ARHGEF3: variants seen among roughly 807,000 people sequenced by gnomAD.
ARHGEF3 encodes Rho guanine nucleotide exchange factor 3, also known as 59.8 kDA protein.
A neutral mutation model predicts 63.2 loss-of-function variants in ARHGEF3; 28 were observed. The ratio of observed to expected loss-of-function variants is 0.44; its 90% CI spans 0.33 to 0.61. ARHGEF3 has a LOEUF of 0.61. Ranked by LOEUF, ARHGEF3 falls within the 20% of genes least tolerant of loss-of-function variation. ARHGEF3 has a pLI of 0.03. For missense variants in ARHGEF3, 533 were observed against 659.3 expected (o/e 0.81, Z 2.10); for synonymous variants, 266 against 254.2 (o/e 1.05, Z -0.44).
intron 4 of ARHGEF3, among the ~76,000 whole-genome samples, chr3:56,881,627 C>A (rs1184732474): frequency 6.6e-6 from 1 of 152,074 alleles, no homozygotes; most frequent in Non-Finnish European, 1.5e-5. Flanking sequence ...TGAGCATCTT[C>A]TACAAACTTC....
At chr3:56,949,099 C>G (rs544626286) in intron 3 of ARHGEF3, among the ~76,000 whole-genome samples, 1 of 152,072 alleles carries the variant, frequency 6.6e-6, no homozygotes, top group South Asian at 2.1e-4. Flanking sequence ...TAAAAACTCT[C>G]AATAAATTAG....
chr3:56,823,359 A>G (rs1287369638), intron 4 of ARHGEF3, among the ~76,000 whole-genome samples: 1 of 152,202 alleles, frequency 6.6e-6, no homozygotes, highest in Non-Finnish European at 1.5e-5. Context: ...AAGTCACCAG[A>G]AAGCAGGAGC....
chr3:56,733,928 G>C (rs1329090737), intron 8 of ARHGEF3, among the ~76,000 whole-genome samples: 1 of 145,298 alleles, frequency 6.9e-6, no homozygotes, highest in Non-Finnish European at 1.5e-5. Flanking sequence ...AGGTTGCAGT[G>C]AGCTGAGATC....
At chr3:56,748,549 A>ATTTTTTTTTTTTTT (rs71072193) in intron 6 of ARHGEF3, among the ~76,000 whole-genome samples, 1 of 136,686 alleles carries the variant, frequency 7.3e-6, no homozygotes, top group African/African-American at 2.7e-5. Flanking sequence ...GAAAAAATCT[A>ATTTTTTTTTTTTTT]TTTTTTTTTT....
At chr3:56,951,734 A>G (rs1699822726) in intron 3 of ARHGEF3, among the ~76,000 whole-genome samples, 1 of 151,894 alleles carries the variant, frequency 6.6e-6, no homozygotes. Context: ...AGATTTTCAA[A>G]TTTGTGTTAC....
intron 3 of ARHGEF3, among the ~76,000 whole-genome samples, chr3:56,950,374 C>G (rs1248947259): frequency 1.3e-5 from 2 of 152,000 alleles, no homozygotes; most frequent in Non-Finnish European, 1.5e-5. Flanking sequence ...TTTTTGCAAT[C>G]TACTCATCTG....
chr3:56,878,765 C>A (rs1420911045), intron 4 of ARHGEF3, among the ~76,000 whole-genome samples: 4 of 152,178 alleles, frequency 2.6e-5, no homozygotes, highest in Admixed American at 6.5e-5. Flanking sequence ...CGTCAGTCAT[C>A]CTGAAGGGTG....
chr3:56,756,349 C>T (rs1324193829), intron 2 of ARHGEF3, among the ~76,000 whole-genome samples: 2 of 152,126 alleles, frequency 1.3e-5, no homozygotes, highest in Non-Finnish European at 2.9e-5. Context: ...CTCATCTTGG[C>T]ACAGGAAGTC....
chr3:56,764,963 C>T (rs1190583984), intron 2 of ARHGEF3, among the ~76,000 whole-genome samples: 2 of 151,952 alleles, frequency 1.3e-5, no homozygotes, highest in Non-Finnish European at 2.9e-5. Context: ...CACCATCTTG[C>T]CCAGACTGGT....
intron 3 of ARHGEF3, among the ~76,000 whole-genome samples, chr3:56,904,413 C>T (rs2041621944): frequency 6.6e-6 from 1 of 152,204 alleles, no homozygotes; most frequent in South Asian, 2.1e-4. Flanking sequence ...GATCTTCCCA[C>T]GTTGGCCTCC....
chr3:56,758,364 C>T (rs1379415407), intron 2 of ARHGEF3, among the ~76,000 whole-genome samples: 3 of 151,550 alleles, frequency 2.0e-5, no homozygotes, highest in East Asian at 3.9e-4. Flanking sequence ...CCAAGGCAGG[C>T]GGATGGCTTG....
Position 56,884,064 on chromosome 3 carries a change from G to C in ARHGEF3, c.130-1710C>G, listed in dbSNP as rs76206430. Among the ~76,000 whole-genome samples, 512 of 152,304 alleles carry C rather than the reference G, an allele frequency of 3.4e-3. 3 individuals carry two copies. Among genetic ancestry groups the C allele is most frequent in the African/African-American group, 0.012 (486 of 41,556 alleles). Reference sequence around the variant, plus strand: ...TTAAGGACCTCACACTCATGTAGGAGAGACAGGCCTATTATGATGAACTAT... The same window carrying C: ...TTAAGGACCTCACACTCATGTAGGACAGACAGGCCTATTATGATGAACTAT... On this transcript the variant is annotated intron_variant, in intron 3 of 12. Coordinates refer to the ARHGEF3 transcript ENST00000338458.
chr3:56,968,731 C>G (rs1354649718), intron 2 of ARHGEF3, among the ~76,000 whole-genome samples: 2 of 151,898 alleles, frequency 1.3e-5, no homozygotes, highest in African/African-American at 4.8e-5. Context: ...ACATAATCAA[C>G]AGGAAAAAAG....
Position 56,992,843 on chromosome 3 carries a change from A to T in ARHGEF3, c.63-33954T>A, listed in dbSNP as rs561938948. 3.1e-3 allele frequency among the ~76,000 whole-genome samples: 474 copies of T among 151,984 alleles called. 1 individual carries two copies. Among genetic ancestry groups the T allele is most frequent in the African/African-American group, 0.011 (451 of 41,422 alleles). On this transcript the variant is annotated intron_variant, in intron 2 of 12. Coordinates refer to the ARHGEF3 transcript ENST00000338458. ...AAGGAAGCTTTTTATTTTATTTTTT[A>T]TTTTTTTGGAGATGGAGACTCACTC...
chr3:57,014,118 C>T (rs1475337965), intron 2 of ARHGEF3, among the ~76,000 whole-genome samples: 3 of 151,994 alleles, frequency 2.0e-5, no homozygotes, highest in Admixed American at 6.6e-5. Flanking sequence ...CCAGACGTGA[C>T]CCCTTAAGAG....
intron 2 of ARHGEF3, among the ~76,000 whole-genome samples, chr3:56,972,889 A>C (rs1000711981): frequency 7.2e-5 from 11 of 152,050 alleles, no homozygotes; most frequent in African/African-American, 2.7e-4. Flanking sequence ...CAGAAGCTCC[A>C]GGTGGCGAGA....
At chr3:56,901,434 A>G (rs2041504134) in intron 3 of ARHGEF3, among the ~76,000 whole-genome samples, 1 of 151,592 alleles carries the variant, frequency 6.6e-6, no homozygotes, top group Non-Finnish European at 1.5e-5. Flanking sequence ...ATGTACATAT[A>G]TATACATACT....
At chr3:56,945,637 GA>G (rs2108439049) in intron 3 of ARHGEF3, among the ~76,000 whole-genome samples, 1 of 152,342 alleles carries the variant, frequency 6.6e-6, no homozygotes, top group South Asian at 2.1e-4. Context: ...CAGGAAGCTC[GA>G]ACTGGGTGGA....
At chr3:56,842,619 C>G (rs1259322206) in intron 4 of ARHGEF3, among the ~76,000 whole-genome samples, 1 of 152,138 alleles carries the variant, frequency 6.6e-6, no homozygotes, top group African/African-American at 2.4e-5. Context: ...TCCCCTGCCC[C>G]CTACAATCAT....
Sources: gnomAD v4.1 joint callset for allele counts (sites outside exome capture counted in the v4.1 genomes callset) on GRCh38, gnomAD v4.1.1 for gene constraint, MANE v1.5 for transcripts, NCBI Gene and HGNC (gene_info 2026-07-23, HGNC 2026-07-21) for gene names.